The following MTMR7 variants were observed in gnomAD, a reference collection of about 807,000 sequenced individuals.
MTMR7 encodes myotubularin related protein 7, also known as phosphatidylinositol-3-phosphate phosphatase MTMR7.
Under a neutral mutation model 81.2 loss-of-function variants are expected in MTMR7, and 76 were observed. That is an observed-to-expected ratio of 0.94 (90% CI 0.78 to 1.13). The LOEUF is 1.13. MTMR7 is among the 50% of genes most tolerant of loss of function. The pLI is 0.00. For synonymous variants in MTMR7, 372 were observed against 289.8 expected, an observed-to-expected ratio of 1.28 and a Z score of -2.88; for missense variants, 1,044 against 820.0, an observed-to-expected ratio of 1.27 and a Z score of -3.34.
intron 4 of MTMR7, among the ~76,000 whole-genome samples, chr8:17,358,786 A>G (rs1361253133): frequency 6.6e-6 from 1 of 152,196 alleles, no homozygotes; most frequent in Non-Finnish European, 1.5e-5. Context: ...TGGTAGATTC[A>G]GGAAAGATTT....
chr8:17,312,714 C>G (rs13271621), intron 8 of MTMR7, among the ~76,000 whole-genome samples: 1 of 151,752 alleles, frequency 6.6e-6, no homozygotes, highest in Non-Finnish European at 1.5e-5. Flanking sequence ...ATAAAGATTT[C>G]TTGAATAAAT....
intron 1 of MTMR7, among the ~76,000 whole-genome samples, chr8:17,392,503 C>G (rs1006466595): frequency 2.0e-5 from 3 of 152,200 alleles, no homozygotes; most frequent in African/African-American, 7.2e-5. Context: ...CACTAAAAAG[C>G]CAAAGTGTGT....
intron 3 of MTMR7, among the ~76,000 whole-genome samples, chr8:17,363,934 CCTTT>C (rs1304889721): frequency 7.6e-6 from 1 of 132,176 alleles, no homozygotes; most frequent in Non-Finnish European, 1.6e-5. Context: ...GCTTGACAAT[CCTTT>C]TTTTTTTTTG....
chr8:17,338,709 A>C (rs1211722575), intron 6 of MTMR7: 1 of 149,628 alleles, frequency 6.7e-6, no homozygotes, highest in African/African-American at 2.5e-5. Flanking sequence ...TTTCAGTGAA[A>C]ATCTTCCAGC....
At chr8:17,349,198 T>G in intron 4 of MTMR7, 117 bp from the exon 5 acceptor site, 1 of 1,243,242 alleles carries the variant, frequency 8.0e-7, no homozygotes, top group Non-Finnish European at 1.1e-6. Context: ...CTTAACCATG[T>G]TACAGAGGAG....
rs1004380602 is a variant in MTMR7, at chr8:17,302,170, A to C, written c.1604T>G (p.Leu535Arg). The change falls in exon 13 of 14, where the codon CTA becomes CGA. Residue 535 changes from leucine (L) to arginine (R), a missense_variant. Physicochemically the swap from Leu to Arg is moderately radical, Grantham distance 102 (BLOSUM62 -2). Transcript: ENST00000180173. ...KEETQQLEEE[L>R]EALEERLEKI... Reference sequence around the variant, plus strand: ...ATGTCTTACTTCTTCCAGGGCCTCTAGTTCTTCCTCTAGCTGCTGAGTTTC... The same window carrying C: ...ATGTCTTACTTCTTCCAGGGCCTCTCGTTCTTCCTCTAGCTGCTGAGTTTC... 1 of 1,614,030 alleles carries C rather than the reference A, an allele frequency of 6.2e-7. No individual in the cohort carries two copies. Among genetic ancestry groups the C allele is most frequent in the African/African-American group, 1.3e-5 (1 of 74,936 alleles).
chr8:17,310,800 G>C (rs1231733959), intron 9 of MTMR7, among the ~76,000 whole-genome samples: 1 of 152,156 alleles, frequency 6.6e-6, no homozygotes, highest in African/African-American at 2.4e-5. Context: ...ATCTTGTGTA[G>C]CACGGATTCA....
intron 7 of MTMR7, among the ~76,000 whole-genome samples, chr8:17,322,093 C>T (rs1405640912): frequency 6.6e-6 from 1 of 151,394 alleles, no homozygotes; most frequent in Non-Finnish European, 1.5e-5. Flanking sequence ...ACATATACAG[C>T]CCTCCCTTGA....
intron 1 of MTMR7, among the ~76,000 whole-genome samples, chr8:17,378,333 T>G (rs970687441): frequency 1.3e-5 from 2 of 152,214 alleles, no homozygotes; most frequent in African/African-American, 4.8e-5. Context: ...AGAAACGTTA[T>G]GAAGTCAGAA....
intron 1 of MTMR7, among the ~76,000 whole-genome samples, chr8:17,410,363 C>G (rs1370130500): frequency 6.6e-6 from 1 of 152,176 alleles, no homozygotes; most frequent in Non-Finnish European, 1.5e-5. Flanking sequence ...TAGTACCAAA[C>G]TAAATCCTAC....
intron 3 of MTMR7, among the ~76,000 whole-genome samples, chr8:17,362,134 T>C (rs1820079483): frequency 6.6e-6 from 1 of 152,238 alleles, no homozygotes; most frequent in African/African-American, 2.4e-5. Flanking sequence ...TTAAATGTCC[T>C]TGTAGCCACA....
At chr8:17,316,994 C>G (rs904360536) in intron 7 of MTMR7, among the ~76,000 whole-genome samples, 3 of 152,246 alleles carry the variant, frequency 2.0e-5, no homozygotes, top group African/African-American at 7.2e-5. Context: ...TTTCCCATAT[C>G]CCAACTAATA....
chr8:17,354,508 T>A (rs2150552163), intron 4 of MTMR7, among the ~76,000 whole-genome samples: 1 of 152,278 alleles, frequency 6.6e-6, no homozygotes, highest in South Asian at 2.1e-4. Flanking sequence ...TAAATAGCGA[T>A]GGTGGTAAGA....
chr8:17,372,935 G>A, intron 2 of MTMR7, 183 bp downstream of exon 2: 1 of 614,606 alleles, frequency 1.6e-6, no homozygotes, highest in Non-Finnish European at 2.7e-6. Context: ...TGTTTAAAAT[G>A]AATAGTCGAT....
At chr8:17,370,715 G>A (rs1190556548) in intron 3 of MTMR7, among the ~76,000 whole-genome samples, 1 of 151,848 alleles carries the variant, frequency 6.6e-6, no homozygotes, top group African/African-American at 2.4e-5. Context: ...CCCCATTCAA[G>A]GTGGCTCGAT....
chr8:17,351,213 C>T (rs1024066771), intron 4 of MTMR7, among the ~76,000 whole-genome samples: 10 of 152,202 alleles, frequency 6.6e-5, no homozygotes, highest in African/African-American at 2.4e-4. Context: ...TGTAACAACA[C>T]TAAGGAACTG....
At chr8:17,346,052 G>A (rs1405297726) in intron 5 of MTMR7, 1 of 152,056 alleles carries the variant, frequency 6.6e-6, no homozygotes, top group Non-Finnish European at 1.5e-5. Context: ...TTTTCTATAC[G>A]GCCATCGATG....
intron 1 of MTMR7, among the ~76,000 whole-genome samples, chr8:17,380,972 C>A (rs1405832739): frequency 6.6e-6 from 1 of 152,124 alleles, no homozygotes; most frequent in African/African-American, 2.4e-5. Flanking sequence ...TTGACACTAG[C>A]AGACTTCGGG....
At chr8:17,409,806 T>C (rs1821689931) in intron 1 of MTMR7, among the ~76,000 whole-genome samples, 1 of 152,116 alleles carries the variant, frequency 6.6e-6, no homozygotes, top group Non-Finnish European at 1.5e-5. Context: ...AGATGAGGTA[T>C]TTAGCCAGGT....
Sources: allele counts gnomAD v4.1 joint callset (sites outside exome capture counted in the v4.1 genomes callset), GRCh38; gene constraint gnomAD v4.1.1; transcripts MANE v1.5; gene names NCBI Gene and HGNC (gene_info 2026-07-23, HGNC 2026-07-21).